TSBP1: variants seen among roughly 807,000 people sequenced by gnomAD.
TSBP1 encodes testis-expressed basic protein 1.
A neutral mutation model predicts 68.8 loss-of-function variants in TSBP1; 56 were observed. The ratio of observed to expected loss-of-function variants is 0.81; its 90% CI spans 0.66 to 1.02. TSBP1 has a LOEUF of 1.02. Ranked by LOEUF, TSBP1 falls within the 50% of genes least tolerant of loss-of-function variation. The pLI, the probability that TSBP1 is intolerant of heterozygous loss-of-function variation, is 0.00. For missense variants in TSBP1, 502 were observed against 641.2 expected, an observed-to-expected ratio of 0.78 and a Z score of 2.34; for synonymous variants, 171 against 208.7, an observed-to-expected ratio of 0.82 and a Z score of 1.56.
Position 32,335,190 on chromosome 6 carries a change from A to C in TSBP1, c.472+247T>G, listed in dbSNP as rs1372331413. The stretch of plus-strand genomic sequence containing the variant: ...TATTGGCTCTACAGAGCTAGATTAT[A>C]TGCTGAAGTGGAAACAGCTTAGGAC... On this transcript the variant is annotated intron_variant, in intron 14 of 22. Transcript: ENST00000612031. This position sits in a 1 kb window ranked among gnomAD's most constrained non-coding sequence, Gnocchi z 5.5. 1.3e-5 allele frequency among the ~76,000 whole-genome samples: 2 copies of C among 152,180 alleles called. No homozygotes were observed. Among genetic ancestry groups the C allele is most frequent in the Non-Finnish European group, 2.9e-5 (2 of 68,032 alleles).
Position 32,293,339 on chromosome 6 carries a change from T to C in TSBP1, c.1334A>G (p.Lys445Arg), listed in dbSNP as rs756235128. The C allele has an allele frequency of 1.9e-6, 3 of 1,612,856 alleles. No individual in the cohort carries two copies. The African/African-American group carries it at 4.0e-5, about 22-fold the overall frequency. ...TCCTTTCAGTACACCTGCCTCACTC[T>C]TCTTTTCTTGGACCTCTTGTTCCTT... is the stretch of plus-strand genomic sequence containing the variant. The change falls in exon 23 of 23, where the codon AAG (lysine) becomes AGG (arginine). Residue 445 changes from lysine (K) to arginine (R), a missense_variant. Physicochemically the swap from Lys to Arg is conservative, Grantham distance 26 (BLOSUM62 2). Coordinates refer to ENST00000612031, the Ensembl canonical transcript of TSBP1.
At position 32,338,993 on chromosome 6, in the gene TSBP1, G is replaced by C; in HGVS notation, c.395C>G (p.Thr132Ser). ...AAAGAACTTACTCATGGCTCCTGCA[G>C]TTCTGGCTAAAATACAAACAAAAAA... Residue 132 changes from threonine to serine, a missense_variant, in exon 11 of 23, where the codon ACT becomes AGT. Transcript: ENST00000612031. This position sits in a 1 kb window ranked among gnomAD's most constrained non-coding sequence, Gnocchi z 5.5. 2 of 1,611,758 alleles carry C rather than the reference G, an allele frequency of 1.2e-6. No individual in the cohort carries two copies. The highest frequency in any genetic ancestry group is 1.7e-6 in the Non-Finnish European group (2 of 1,178,902).
chr6:32,366,943 A>C (rs1773811514), intron 4 of TSBP1, among the ~76,000 whole-genome samples: 2 of 152,100 alleles, frequency 1.3e-5, no homozygotes, highest in Non-Finnish European at 2.9e-5. Flanking sequence ...AGAGGTAAGA[A>C]GGAGAAGGAT....
chr6:32,368,232 C>T (rs1341721916), intron 3 of TSBP1, among the ~76,000 whole-genome samples: 2 of 152,164 alleles, frequency 1.3e-5, no homozygotes, highest in Non-Finnish European at 2.9e-5. Context: ...AGCAGCTAGT[C>T]TCCTGGTTTT....
At chr6:32,296,155 A>G (rs1454392654) in intron 22 of TSBP1, among the ~76,000 whole-genome samples, 1 of 152,150 alleles carries the variant, frequency 6.6e-6, no homozygotes, top group Admixed American at 6.5e-5. Context: ...ATTACAGGAA[A>G]ATTTCTTGCT....
chr6:32,328,675 C>T (rs1768563446), intron 16 of TSBP1, among the ~76,000 whole-genome samples: 1 of 152,040 alleles, frequency 6.6e-6, no homozygotes, highest in East Asian at 1.9e-4. Context: ...CCTTGGCCTC[C>T]CAAAGTGCTA....
intron 16 of TSBP1, among the ~76,000 whole-genome samples, chr6:32,328,487 C>G (rs1374568254): frequency 6.6e-6 from 1 of 150,678 alleles, no homozygotes; most frequent in Non-Finnish European, 1.5e-5. Flanking sequence ...GAGATCTCGG[C>G]TCACTGCAAT....
intron 19 of TSBP1, among the ~76,000 whole-genome samples, chr6:32,310,804 A>G (rs148288276): frequency 1.7e-3 from 249 of 149,802 alleles, no homozygotes; most frequent in Admixed American, 2.1e-3. Flanking sequence ...TTTATTCCCC[A>G]ATAGGTAAGC....
At chr6:32,298,620 T>C (rs1276008404) in intron 22 of TSBP1, among the ~76,000 whole-genome samples, 1 of 152,076 alleles carries the variant, frequency 6.6e-6, no homozygotes, top group Non-Finnish European at 1.5e-5. Flanking sequence ...CAACTTCATC[T>C]CCCTGCCTTC....
At chr6:32,327,969 T>TA (rs533105641) in intron 16 of TSBP1, among the ~76,000 whole-genome samples, 1 of 151,536 alleles carries the variant, frequency 6.6e-6, no homozygotes, top group Non-Finnish European at 1.5e-5. Context: ...TTATTATTTT[T>TA]TTTTTTTTGT....
chr6:32,331,202 T>TCC (rs28381584), intron 15 of TSBP1, among the ~76,000 whole-genome samples: 51,067 of 151,906 alleles, frequency 0.34, 9,625 homozygotes, highest in Middle Eastern at 0.52. Context: ...TGTATTCCTT[T>TCC]CCATATTCCC....
In TSBP1 at chr6:32,315,669, A is replaced by G; in HGVS notation, c.580+103T>C. On this transcript the variant is annotated intron_variant, in intron 19 of 22. Coordinates refer to ENST00000612031, the Ensembl canonical transcript of TSBP1. The surrounding 1 kb of genome is among the most constrained non-coding windows in gnomAD (Gnocchi z 5.4). ...GGAGGACTTTGGGTAATGTAGAAGC[A>G]AATGAATATGAGAAATATGAGTCTC... 1 of 738,034 alleles carries G rather than the reference A, an allele frequency of 1.4e-6. No individual in the cohort carries two copies. The highest frequency in any genetic ancestry group is 2.1e-6 in the Non-Finnish European group (1 of 474,958). 45.7% of individuals were successfully genotyped at this position (738,034 alleles called of 1,614,324 possible).
rs1209846131 is a variant in TSBP1, at chr6:32,314,108, G to A, written c.580+1664C>T. Among the ~76,000 whole-genome samples, 2 of 151,914 alleles carry A rather than the reference G, an allele frequency of 1.3e-5. No individual in the cohort carries two copies. Among genetic ancestry groups the A allele is most frequent in the Admixed American group, 6.6e-5 (1 of 15,248 alleles). On this transcript the variant is annotated intron_variant, in intron 19 of 22. Transcript: ENST00000612031. This position sits in a 1 kb window ranked among gnomAD's most constrained non-coding sequence, Gnocchi z 4.2. The stretch of plus-strand genomic sequence containing the variant: ...AACTTTAGCTTTCCTTTCTTTATAT[G>A]TGTTCCTATATTCCATTTCTGCTCC...
At chr6:32,329,928 T>C (rs1460289210) in intron 16 of TSBP1, among the ~76,000 whole-genome samples, 1 of 152,240 alleles carries the variant, frequency 6.6e-6, no homozygotes, top group Non-Finnish European at 1.5e-5. Context: ...TTCTCTTCCA[T>C]ATGTGATGCT....
chr6:32,326,857 A>G (rs1436408170), intron 16 of TSBP1, among the ~76,000 whole-genome samples: 1 of 151,948 alleles, frequency 6.6e-6, no homozygotes, highest in Non-Finnish European at 1.5e-5. Context: ...CCTTCTGCTT[A>G]GTATAGGAGG....
intron 8 of TSBP1, among the ~76,000 whole-genome samples, chr6:32,354,492 C>T (rs1189099743): frequency 1.3e-5 from 2 of 151,980 alleles, no homozygotes; most frequent in Non-Finnish European, 2.9e-5. Flanking sequence ...TACCAAGGAG[C>T]TTAATTAATA....
chr6:32,322,473 G>T lies in TSBP1; in HGVS notation c.559+644C>A, dbSNP rs1161318247. ...GTCCCCACATATGACCAGCTGAGAA[G>T]TAGAGTACTTACTTGCGGTTCTCTG... On this transcript the variant is annotated intron_variant, in intron 18 of 22. Coordinates refer to ENST00000612031, the Ensembl canonical transcript of TSBP1. The T allele has an allele frequency of 6.3e-7, 1 of 1,594,190 alleles. No individual in the cohort carries two copies. The highest frequency in any genetic ancestry group is 1.1e-5 in the South Asian group (1 of 90,332).
intron 3 of TSBP1, among the ~76,000 whole-genome samples, chr6:32,368,434 A>G (rs3129936): frequency 0.77 from 116,883 of 152,108 alleles, 45,199 homozygotes; most frequent in South Asian, 0.9. Context: ...CACTAAGGCC[A>G]TCTTCATGAA....
chr6:32,304,863 T>C lies in TSBP1; in HGVS notation c.581-2234A>G, dbSNP rs1183655229. Reference sequence around the variant, plus strand: ...AAGAGTTAGTAATACTTATTTTAAGTTTTGCTTCTTTTACTTTTTTTCCTA... The same window carrying C: ...AAGAGTTAGTAATACTTATTTTAAGCTTTGCTTCTTTTACTTTTTTTCCTA... On this transcript the variant is annotated intron_variant, in intron 19 of 22. Coordinates refer to ENST00000612031, the Ensembl canonical transcript of TSBP1. The surrounding 1 kb of genome is among the most constrained non-coding windows in gnomAD (Gnocchi z 4.8). Among the ~76,000 whole-genome samples the C allele has an allele frequency of 1.3e-5, 2 of 152,176 alleles. No individual in the cohort carries two copies. The highest frequency in any genetic ancestry group is 2.9e-5 in the Non-Finnish European group (2 of 68,024).
Sources: allele counts gnomAD v4.1 joint callset (sites outside exome capture counted in the v4.1 genomes callset), GRCh38; gene constraint gnomAD v4.1.1; non-coding constraint Gnocchi (gnomAD v3.1); transcripts MANE v1.5; gene names NCBI Gene and HGNC (gene_info 2026-07-23, HGNC 2026-07-21).